MTMR8: variants seen among roughly 807,000 people sequenced by gnomAD.
MTMR8 encodes the protein myotubularin related protein 8, also known as phosphatidylinositol-3,5-bisphosphate 3-phosphatase MTMR8.
MTMR8 carries 65 observed loss-of-function variants against 39.3 expected under a neutral mutation model. The ratio of observed to expected loss-of-function variants is 1.65; its 90% CI spans 1.35 to 2.03. The LOEUF (loss-of-function observed/expected upper bound fraction) is 2.03. Ranked by LOEUF, MTMR8 falls within the 30% of genes most tolerant of loss-of-function variation. MTMR8 has a pLI of 0.00. For synonymous variants in MTMR8, 245 were observed against 185.2 expected, an observed-to-expected ratio of 1.32 and a Z score of -2.62; for missense variants, 777 against 538.9, an observed-to-expected ratio of 1.44 and a Z score of -4.37.
chrX:64,270,814 C>T (rs1436331959), intron 13 of MTMR8, 133 bp downstream of exon 13: 5 of 632,282 alleles, frequency 7.9e-6, no homozygotes, highest in East Asian at 3.8e-5. Context: ...TTTGTAGACA[C>T]GGGACACATG....
Position 64,270,943 on chromosome X carries a change from T to C in MTMR8, c.1608+4A>G. ...AGATCTCTCTTTGGGACTTTTCTCC[T>C]CACCTTTTCTAGTTCATGCACATCT... On this transcript the variant is annotated splice_donor_region_variant and intron_variant, in intron 13 of 13. Transcript: ENST00000374852. 1.7e-6 allele frequency: 2 copies of C among 1,208,458 alleles called. No individual in the cohort carries two copies. Among genetic ancestry groups the C allele is most frequent in the Non-Finnish European group, 2.2e-6 (2 of 894,214 alleles).
rs773306752 is a variant in MTMR8, at chrX:64,284,093, G to A, written c.1482-13020C>T. On this transcript the variant is annotated intron_variant, in intron 12 of 13. Transcript: ENST00000374852. ...AACACTGAAAACAGATTAGATGAAT[G>A]GCTAACTAGAATAACCAATGCAGAG... Among the ~76,000 whole-genome samples, 9 of 111,531 alleles carry A rather than the reference G, an allele frequency of 8.1e-5. No homozygotes were observed. The East Asian group carries it at 2.6e-3, about 32-fold the overall frequency.
intron 12 of MTMR8, among the ~76,000 whole-genome samples, chrX:64,299,216 T>G (rs1219359554): frequency 3.6e-5 from 3 of 82,539 alleles, no homozygotes; most frequent in African/African-American, 1.5e-4. Context: ...TCCTGGACTC[T>G]TTTTGGTTGG....
chrX:64,281,248 C>T (rs1387922050), intron 12 of MTMR8, among the ~76,000 whole-genome samples: 1 of 110,884 alleles, frequency 9.0e-6, no homozygotes, highest in Non-Finnish European at 1.9e-5. Context: ...CAAGAAAATC[C>T]CAAGCAAAAA....
rs1931928205 is a variant in MTMR8 at position 64,278,459 on chromosome X, G to GTTTT, written c.1482-7387_1482-7386insAAAA. ...TGATGTTGATGCTATTTATTTTGCT[G>GTTTT]GTTTTTTTTTTTTTTTTTTTTTTTT... On this transcript the variant is annotated intron_variant, in intron 12 of 13. Coordinates refer to ENST00000374852, the MANE Select transcript of MTMR8 (RefSeq NM_017677.4). 9.4e-4 allele frequency among the ~76,000 whole-genome samples: 47 copies of GTTTT among 49,853 alleles called. 19 individuals carry two copies. Among genetic ancestry groups the GTTTT allele is most frequent in the African/African-American group, 5.0e-3 (44 of 8,740 alleles). 43.3% of individuals were successfully genotyped at this position (49,853 alleles called of 115,157 possible).
chrX:64,272,120 C>A (rs1197412816), intron 12 of MTMR8, among the ~76,000 whole-genome samples: 1 of 111,700 alleles, frequency 9.0e-6, no homozygotes, highest in Non-Finnish European at 1.9e-5. Context: ...TGTACAAGGC[C>A]AATCCATATG....
At chrX:64,293,241 T>C (rs1392556974) in intron 12 of MTMR8, among the ~76,000 whole-genome samples, 1 of 111,788 alleles carries the variant, frequency 8.9e-6, no homozygotes, top group Admixed American at 9.5e-5. Context: ...GTTCATAGCT[T>C]CACTGGATTT....
intron 6 of MTMR8, among the ~76,000 whole-genome samples, chrX:64,348,239 T>A (rs949909222): frequency 1.8e-5 from 2 of 111,012 alleles, no homozygotes; most frequent in Non-Finnish European, 3.8e-5. Context: ...ATTAAATTAC[T>A]GTGGCCTAAC....
At chrX:64,364,775 A>C (rs1923898147) in intron 1 of MTMR8, among the ~76,000 whole-genome samples, 1 of 112,114 alleles carries the variant, frequency 8.9e-6, no homozygotes, top group African/African-American at 3.2e-5. Flanking sequence ...TCACAAGCTG[A>C]CAGAAGTAGG....
At chrX:64,300,524 T>C (rs1207910577) in intron 12 of MTMR8, among the ~76,000 whole-genome samples, 4 of 109,239 alleles carry the variant, frequency 3.7e-5, no homozygotes, top group African/African-American at 1.3e-4. Context: ...TCTTGACTCT[T>C]TATCCAATTT....
intron 4 of MTMR8, among the ~76,000 whole-genome samples, chrX:64,353,837 G>A (rs915984630): frequency 6.3e-5 from 7 of 110,573 alleles, no homozygotes; most frequent in African/African-American, 2.3e-4. Context: ...TGAGATGGGA[G>A]GACCACTTGA....
intron 12 of MTMR8, among the ~76,000 whole-genome samples, chrX:64,278,866 C>T (rs1361000501): frequency 9.0e-6 from 1 of 111,580 alleles, no homozygotes; most frequent in African/African-American, 3.3e-5. Context: ...ATGCCCACTC[C>T]AGACCCTATT....
intron 12 of MTMR8, among the ~76,000 whole-genome samples, chrX:64,314,162 G>T (rs1443048364): frequency 8.9e-6 from 1 of 112,740 alleles, no homozygotes; most frequent in Non-Finnish European, 1.9e-5. Context: ...AAGGGCCGAG[G>T]TGCTCACAGA....
At chrX:64,333,902 C>T (rs1227081180) in intron 10 of MTMR8, among the ~76,000 whole-genome samples, 1 of 111,738 alleles carries the variant, frequency 8.9e-6, no homozygotes, top group Non-Finnish European at 1.9e-5. Context: ...TTCTTCTTTC[C>T]TATCCTTAGA....
intron 4 of MTMR8, among the ~76,000 whole-genome samples, chrX:64,351,244 C>G: frequency 9.0e-6 from 1 of 111,334 alleles, no homozygotes; most frequent in Non-Finnish European, 1.9e-5. Flanking sequence ...TTATTCCTCT[C>G]AAGCATGACC....
Position 64,337,298 on chromosome X carries a change from A to G in MTMR8, c.1071T>C (p.Asp357=). The G allele has an allele frequency of 8.3e-7, 1 of 1,209,665 alleles. No homozygotes were observed. Among genetic ancestry groups the G allele is most frequent in the Non-Finnish European group, 1.1e-6 (1 of 893,931 alleles). ...GTCCTTTGAATGTCCTATAAAATGGATCTAGGAGGATGCTAGCCACTGAGC... is the reference window on the plus strand; with the variant it reads ...GTCCTTTGAATGTCCTATAAAATGGGTCTAGGAGGATGCTAGCCACTGAGC... ...QVCSVASILL[D]PFYRTFKGLM... Residue 357 remains aspartate (D), a synonymous_variant, in exon 9 of 14, where the codon GAT becomes GAC. Transcript: ENST00000374852.
chrX:64,277,008 C>A (rs1424772884), intron 12 of MTMR8, among the ~76,000 whole-genome samples: 1 of 111,457 alleles, frequency 9.0e-6, no homozygotes, highest in Non-Finnish European at 1.9e-5. Flanking sequence ...TATGTAATGC[C>A]CTTCTTTGTC....
intron 6 of MTMR8, among the ~76,000 whole-genome samples, chrX:64,347,377 C>T (rs1923372548): frequency 8.9e-6 from 1 of 112,163 alleles, no homozygotes; most frequent in Admixed American, 9.5e-5. Context: ...CGATTAAACT[C>T]TTTTCAATTG....
At chrX:64,383,260 C>T (rs1389009516) in intron 1 of MTMR8, among the ~76,000 whole-genome samples, 1 of 109,896 alleles carries the variant, frequency 9.1e-6, no homozygotes, top group Non-Finnish European at 1.9e-5. Context: ...CATTCATTTC[C>T]AGCATAGAGC....
Sources: gnomAD v4.1 joint callset for allele counts (sites outside exome capture counted in the v4.1 genomes callset) on GRCh38, gnomAD v4.1.1 for gene constraint, MANE v1.5 for transcripts, NCBI Gene and HGNC (gene_info 2026-07-23, HGNC 2026-07-21) for gene names.